Variants in GPC5 observed in about 807,000 individuals in gnomAD.
The protein encoded by GPC5 is glypican-5.
Under a neutral mutation model 53.9 loss-of-function variants are expected in GPC5, and 47 were observed. The observed-to-expected ratio is 0.87, with a 90% CI of 0.69 to 1.11. GPC5 has a LOEUF of 1.11. GPC5 is among the 50% of genes most tolerant of loss of function. The pLI is 0.00. For synonymous variants in GPC5, 286 were observed against 263.3 expected, an observed-to-expected ratio of 1.09 and a Z score of -0.84; for missense variants, 748 against 713.1, an observed-to-expected ratio of 1.05 and a Z score of -0.56.
intron 7 of GPC5, among the ~76,000 whole-genome samples, chr13:92,221,186 C>T (rs563914579): frequency 6.0e-4 from 92 of 152,282 alleles, no homozygotes; most frequent in Middle Eastern, 3.4e-3. Flanking sequence ...GGTCAATTTA[C>T]AATTGGGAAA....
intron 5 of GPC5, among the ~76,000 whole-genome samples, chr13:91,767,077 T>G (rs1397566194): frequency 6.6e-6 from 1 of 152,182 alleles, no homozygotes; most frequent in African/African-American, 2.4e-5. Flanking sequence ...ATTAGAAGAC[T>G]TCCATTTGTA....
At chr13:92,505,858 CA>C (rs1880347454) in intron 7 of GPC5, among the ~76,000 whole-genome samples, 1 of 152,028 alleles carries the variant, frequency 6.6e-6, no homozygotes, top group Non-Finnish European at 1.5e-5. Flanking sequence ...AAGCCAGTAT[CA>C]AAAAGTTACA....
At chr13:91,913,345 G>C (rs552679760) in intron 6 of GPC5, among the ~76,000 whole-genome samples, 2 of 150,642 alleles carry the variant, frequency 1.3e-5, no homozygotes, top group African/African-American at 4.9e-5. Flanking sequence ...GTTGCAGTGA[G>C]CCAAGATTGT....
At chr13:92,013,071 A>G (rs1168807018) in intron 6 of GPC5, among the ~76,000 whole-genome samples, 1 of 152,176 alleles carries the variant, frequency 6.6e-6, no homozygotes, top group Non-Finnish European at 1.5e-5. Context: ...GCTGTGTGTT[A>G]TCAGCTCAGT....
chr13:92,272,138 G>A (rs924644937), intron 7 of GPC5, among the ~76,000 whole-genome samples: 18 of 152,124 alleles, frequency 1.2e-4, no homozygotes, highest in Admixed American at 3.9e-4. Flanking sequence ...AACATGTCAT[G>A]ATTAACATTT....
At chr13:92,558,715 G>A (rs1437366729) in intron 7 of GPC5, among the ~76,000 whole-genome samples, 2 of 151,910 alleles carry the variant, frequency 1.3e-5, no homozygotes, top group Non-Finnish European at 2.9e-5. Context: ...AGGAAACAAA[G>A]CAAACTGTTG....
intron 7 of GPC5, among the ~76,000 whole-genome samples, chr13:92,798,743 T>G (rs1414763942): frequency 6.6e-6 from 1 of 151,862 alleles, no homozygotes; most frequent in Admixed American, 6.6e-5. Context: ...TTTCCTTTCA[T>G]AGCATTAAAA....
At chr13:92,246,296 T>C (rs2042650388) in intron 7 of GPC5, among the ~76,000 whole-genome samples, 1 of 152,174 alleles carries the variant, frequency 6.6e-6, no homozygotes, top group South Asian at 2.1e-4. Flanking sequence ...TCTTTATTTC[T>C]ATAATAATAA....
intron 2 of GPC5, among the ~76,000 whole-genome samples, chr13:91,463,119 C>T (rs1882036851): frequency 1.3e-5 from 2 of 151,926 alleles, no homozygotes; most frequent in Non-Finnish European, 1.5e-5. Context: ...GAAGCTCAGG[C>T]CCCCCATATA....
intron 1 of GPC5, among the ~76,000 whole-genome samples, chr13:91,417,077 G>C (rs11620426): frequency 6.6e-6 from 1 of 151,710 alleles, no homozygotes; most frequent in Admixed American, 6.6e-5. Flanking sequence ...CAGAGGGGGG[G>C]AGTATTTAGA....
chr13:92,821,460 T>G (rs1877671729), intron 7 of GPC5, among the ~76,000 whole-genome samples: 1 of 152,154 alleles, frequency 6.6e-6, no homozygotes, highest in Non-Finnish European at 1.5e-5. Flanking sequence ...CTCTTTTTTC[T>G]GCTACTCCTC....
rs532849145 is a variant in GPC5, at chr13:92,381,687, C to T, written c.1561+236698C>T. Among the ~76,000 whole-genome samples, 110 of 151,754 alleles carry T rather than the reference C, an allele frequency of 7.2e-4. 1 individual carries two copies. Among genetic ancestry groups the T allele is most frequent in the Non-Finnish European group, 1.2e-3 (83 of 67,932 alleles). On this transcript the variant is annotated intron_variant, in intron 7 of 7. Coordinates refer to ENST00000377067, the MANE Select transcript of GPC5 (RefSeq NM_004466.6). ...AGGAAAAGAAGACATGATTCGAAAA[C>T]GACACTTGCATATGCATATTTATAG...
At chr13:91,580,647 C>T (rs1423932373) in intron 2 of GPC5, among the ~76,000 whole-genome samples, 2 of 152,334 alleles carry the variant, frequency 1.3e-5, no homozygotes. Context: ...GAAGCAGTCA[C>T]TGAGAATGTT....
intron 7 of GPC5, among the ~76,000 whole-genome samples, chr13:92,418,803 GA>G (rs1272273707): frequency 2.0e-5 from 3 of 152,170 alleles, no homozygotes; most frequent in African/African-American, 7.2e-5. Context: ...TGAACAGGAA[GA>G]AAGGGGAGTT....
intron 7 of GPC5, among the ~76,000 whole-genome samples, chr13:92,549,142 C>T (rs985749447): frequency 2.0e-5 from 3 of 151,898 alleles, no homozygotes; most frequent in African/African-American, 7.3e-5. Flanking sequence ...CTATAGGGAC[C>T]TCTTTAAGTT....
At chr13:92,729,138 T>C (rs1888730078) in intron 7 of GPC5, among the ~76,000 whole-genome samples, 1 of 151,300 alleles carries the variant, frequency 6.6e-6, no homozygotes, top group Non-Finnish European at 1.5e-5. Context: ...CCCCAAAGCA[T>C]CCTTACAGGC....
At chr13:91,612,185 A>G (rs72632627) in intron 2 of GPC5, among the ~76,000 whole-genome samples, 5,551 of 152,306 alleles carry the variant, frequency 0.036, 293 homozygotes, top group South Asian at 0.22. Flanking sequence ...GGACAAGACC[A>G]TCTCTTCTTG....
intron 2 of GPC5, among the ~76,000 whole-genome samples, chr13:91,659,936 G>C (rs1055452547): frequency 6.6e-6 from 1 of 152,202 alleles, no homozygotes; most frequent in African/African-American, 2.4e-5. Flanking sequence ...GCTACAGCAA[G>C]GTAGTCAGTC....
intron 5 of GPC5, among the ~76,000 whole-genome samples, chr13:91,819,835 T>C (rs1332282577): frequency 6.6e-6 from 1 of 152,204 alleles, no homozygotes; most frequent in Non-Finnish European, 1.5e-5. Context: ...TGCCTTTTGA[T>C]ATGGTTGTAT....
Sources: allele counts gnomAD v4.1 joint callset (sites outside exome capture counted in the v4.1 genomes callset), GRCh38; gene constraint gnomAD v4.1.1; transcripts MANE v1.5; gene names NCBI Gene and HGNC (gene_info 2026-07-23, HGNC 2026-07-21).